The following ZNF804A variants were observed in gnomAD, a reference collection of about 807,000 sequenced individuals.
ZNF804A encodes the protein zinc finger protein 804A.
In ZNF804A, 2 loss-of-function variants were observed where a neutral mutation model predicts 16.5. The observed-to-expected ratio is 0.12, with a 90% confidence interval of 0.05 to 0.38. The LOEUF (loss-of-function observed/expected upper bound fraction) is 0.38, where lower values mean the gene tolerates loss of function less well. Ranked by LOEUF, ZNF804A falls within the 10% of genes least tolerant of loss-of-function variation. ZNF804A has a pLI of 0.99. For synonymous variants in ZNF804A, 534 were observed against 489.6 expected, an observed-to-expected ratio of 1.09 and a Z score of -1.20; for missense variants, 1,473 against 1,390.7, an observed-to-expected ratio of 1.06 and a Z score of -0.94.
intron 1 of ZNF804A, among the ~76,000 whole-genome samples, chr2:184,747,640 G>T (rs1052044873): frequency 6.6e-6 from 1 of 150,980 alleles, no homozygotes; most frequent in Admixed American, 6.6e-5. Flanking sequence ...GGTAATGTTT[G>T]CCACTGGGGA....
At chr2:184,725,646 T>TA (rs1002248167) in intron 1 of ZNF804A, among the ~76,000 whole-genome samples, 1 of 151,502 alleles carries the variant, frequency 6.6e-6, no homozygotes, top group Non-Finnish European at 1.5e-5. Context: ...AACCAGAAAA[T>TA]AACCAAGATG....
At chr2:184,886,412 G>T (rs1422094667) in intron 2 of ZNF804A, among the ~76,000 whole-genome samples, 3 of 152,188 alleles carry the variant, frequency 2.0e-5, no homozygotes, top group Non-Finnish European at 4.4e-5. Flanking sequence ...AGTGCAAGTT[G>T]TCAGTGATCT....
intron 1 of ZNF804A, among the ~76,000 whole-genome samples, chr2:184,751,126 A>G (rs1158816891): frequency 1.3e-5 from 2 of 151,532 alleles, no homozygotes; most frequent in Non-Finnish European, 3.0e-5. Context: ...GAATAATGCT[A>G]CAATCAACAC....
intron 1 of ZNF804A, among the ~76,000 whole-genome samples, chr2:184,614,032 C>G (rs191686487): frequency 1.1e-3 from 174 of 152,272 alleles, no homozygotes; most frequent in African/African-American, 3.7e-3. Context: ...TGACTTCAAA[C>G]TATACTACAA....
At chr2:184,703,532 A>G (rs1692962275) in intron 1 of ZNF804A, among the ~76,000 whole-genome samples, 1 of 151,732 alleles carries the variant, frequency 6.6e-6, no homozygotes, top group Non-Finnish European at 1.5e-5. Context: ...CTACTAAAAC[A>G]CAAAAAAATT....
chr2:184,836,423 T>C (rs1695346840), intron 1 of ZNF804A, among the ~76,000 whole-genome samples: 1 of 152,104 alleles, frequency 6.6e-6, no homozygotes, highest in South Asian at 2.1e-4. Context: ...ACAGAATCAG[T>C]GTCTTAGAGG....
At chr2:184,769,491 G>A (rs1224229307) in intron 1 of ZNF804A, among the ~76,000 whole-genome samples, 1 of 152,062 alleles carries the variant, frequency 6.6e-6, no homozygotes, top group Non-Finnish European at 1.5e-5. Flanking sequence ...ACATGTTGAA[G>A]CGTTGAATAG....
At chr2:184,854,752 A>T (rs1695661312) in intron 1 of ZNF804A, among the ~76,000 whole-genome samples, 1 of 152,042 alleles carries the variant, frequency 6.6e-6, no homozygotes, top group Admixed American at 6.6e-5. Flanking sequence ...ATAGTAAAAC[A>T]CTTTATAAAG....
At chr2:184,864,302 A>G (rs1220355720) in intron 1 of ZNF804A, among the ~76,000 whole-genome samples, 1 of 152,112 alleles carries the variant, frequency 6.6e-6, no homozygotes. Context: ...CTCTCAAGAA[A>G]ATTAATATAG....
At chr2:184,910,132 T>G (rs1685333236) in intron 2 of ZNF804A, among the ~76,000 whole-genome samples, 1 of 151,972 alleles carries the variant, frequency 6.6e-6, no homozygotes, top group Non-Finnish European at 1.5e-5. Context: ...CTCAATCCTT[T>G]CTTCCCCCTT....
chr2:184,807,924 A>G (rs1182479132), intron 1 of ZNF804A, among the ~76,000 whole-genome samples: 2 of 151,758 alleles, frequency 1.3e-5, no homozygotes, highest in Non-Finnish European at 3.0e-5. Flanking sequence ...TTTAGAATAC[A>G]GATTAAATTT....
At chr2:184,724,046 C>A (rs1194136161) in intron 1 of ZNF804A, among the ~76,000 whole-genome samples, 1 of 151,602 alleles carries the variant, frequency 6.6e-6, no homozygotes, top group African/African-American at 2.4e-5. Flanking sequence ...TGTTATATAT[C>A]TCTTATAATA....
chr2:184,717,112 T>C (rs552343414), intron 1 of ZNF804A, among the ~76,000 whole-genome samples: 2 of 152,178 alleles, frequency 1.3e-5, no homozygotes, highest in Admixed American at 6.6e-5. Context: ...AATAAATAAT[T>C]TGAATTATGA....
chr2:184,779,488 G>T (rs1694341677), intron 1 of ZNF804A, among the ~76,000 whole-genome samples: 1 of 151,654 alleles, frequency 6.6e-6, no homozygotes. Context: ...GGGAAATTCT[G>T]TTTACAAGTT....
At chr2:184,880,688 T>G (rs1684797295) in intron 2 of ZNF804A, among the ~76,000 whole-genome samples, 1 of 152,044 alleles carries the variant, frequency 6.6e-6, no homozygotes, top group Non-Finnish European at 1.5e-5. Context: ...GATAGAAATT[T>G]ATTGGCTGAC....
chr2:184,773,578 C>T (rs1191936751), intron 1 of ZNF804A, among the ~76,000 whole-genome samples: 1 of 151,888 alleles, frequency 6.6e-6, no homozygotes, highest in African/African-American at 2.4e-5. Flanking sequence ...TTTATATTCT[C>T]ACTCATAAAT....
chr2:184,691,491 G>A (rs180767087), intron 1 of ZNF804A, among the ~76,000 whole-genome samples: 2 of 151,184 alleles, frequency 1.3e-5, no homozygotes, highest in African/African-American at 4.8e-5. Flanking sequence ...TTATGAAATG[G>A]CTTCTTTGTT....
intron 1 of ZNF804A, among the ~76,000 whole-genome samples, chr2:184,719,063 C>T (rs1159184101): frequency 6.6e-6 from 1 of 152,210 alleles, no homozygotes; most frequent in Non-Finnish European, 1.5e-5. Context: ...CGTACATCTT[C>T]TGAAAACTAG....
chr2:184,893,911 C>G (rs913391112), intron 2 of ZNF804A, among the ~76,000 whole-genome samples: 4 of 152,144 alleles, frequency 2.6e-5, no homozygotes, highest in African/African-American at 9.7e-5. Context: ...TCCATACTTT[C>G]AAGAGACTGG....
Sources: gnomAD v4.1 joint callset for allele counts (sites outside exome capture counted in the v4.1 genomes callset) on GRCh38, gnomAD v4.1.1 for gene constraint, MANE v1.5 for transcripts, NCBI Gene and HGNC (gene_info 2026-07-23, HGNC 2026-07-21) for gene names.